Variants in PDE7A observed in about 807,000 individuals in gnomAD.
PDE7A encodes high affinity 3',5'-cyclic-AMP phosphodiesterase 7A.
A neutral mutation model predicts 64.3 loss-of-function variants in PDE7A; 39 were observed. The observed-to-expected ratio is 0.61, with a 90% CI of 0.47 to 0.79. The LOEUF (loss-of-function observed/expected upper bound fraction) is 0.79, where lower values mean the gene tolerates loss of function less well. Among genes scored for constraint, PDE7A ranks in the 30% least tolerant of loss-of-function variants. The pLI is 0.00. For missense variants in PDE7A, 470 were observed against 582.8 expected (o/e 0.81, Z 1.99); for synonymous variants, 203 against 206.8 (o/e 0.98, Z 0.16).
intron 3 of PDE7A, among the ~76,000 whole-genome samples, chr8:65,757,920 T>A (rs1196213527): frequency 6.6e-6 from 1 of 152,184 alleles, no homozygotes; most frequent in Non-Finnish European, 1.5e-5. Context: ...CCCAGCCAAC[T>A]CCAAGACTTT....
At chr8:65,771,062 C>CAA (rs1809063331) in intron 3 of PDE7A, 2 of 372,538 alleles carry the variant, frequency 5.4e-6, no homozygotes, top group Non-Finnish European at 1.1e-5. Flanking sequence ...ATCCAAACCA[C>CAA]AATAATTCAT....
chr8:65,841,382 G>A lies in PDE7A; in HGVS notation c.127C>T (p.Gln43Ter). 6.4e-7 allele frequency: 1 copy of A among 1,558,456 alleles called. No individual in the cohort carries two copies. Among genetic ancestry groups the A allele is most frequent in the Non-Finnish European group, 8.6e-7 (1 of 1,157,122 alleles). The change falls in exon 1 of 13, where the codon CAG becomes TAG. Residue 43 changes from glutamine to a stop codon, truncating the protein, a stop_gained. Transcript: ENST00000401827. LOFTEE classifies it high-confidence loss of function. Reference sequence around the variant, plus strand: ...GCGGCGGCGATTACCTGAGAGAGCTGCCGGGGATTGGGGCAGCCGAAGAGA... The same window carrying A: ...GCGGCGGCGATTACCTGAGAGAGCTACCGGGGATTGGGGCAGCCGAAGAGA... ...SALFGCPNPR[Q>*]LSQRRGAISY... is the part of the protein sequence containing the mutation.
intron 1 of PDE7A, chr8:65,789,112 A>C (rs1041915997): frequency 1.5e-6 from 2 of 1,322,576 alleles, no homozygotes; most frequent in Non-Finnish European, 9.8e-7. Flanking sequence ...TCCTCTGGGA[A>C]TGCACTACCC....
At position 65,789,135 on chromosome 8, in the gene PDE7A, T is replaced by C. The variant is rs568010186; in HGVS notation, c.139-6292A>G. 28 of 1,151,536 alleles carry C rather than the reference T, an allele frequency of 2.4e-5. No individual in the cohort carries two copies. The African/African-American group carries it at 3.6e-4, about 15-fold the overall frequency. The allele number at this position is 1,151,536 out of a possible 1,614,324, so 71.3% of individuals were successfully genotyped here. On this transcript the variant is annotated intron_variant, in intron 1 of 12. Coordinates refer to ENST00000401827, the MANE Select transcript of PDE7A (RefSeq NM_001242318.3). The stretch of plus-strand genomic sequence containing the variant: ...GAATGCACTACCCAGCCAGCCTTCT[T>C]ACCCAGCGCATGCTTCATGCCACAA...
intron 3 of PDE7A, among the ~76,000 whole-genome samples, chr8:65,752,882 T>C (rs1223967642): frequency 1.3e-5 from 2 of 152,230 alleles, no homozygotes; most frequent in African/African-American, 4.8e-5. Context: ...TAACCATTAC[T>C]GTGTTCAGTA....
intron 1 of PDE7A, among the ~76,000 whole-genome samples, chr8:65,835,408 T>A (rs1306107930): frequency 6.6e-6 from 1 of 152,166 alleles, no homozygotes; most frequent in Non-Finnish European, 1.5e-5. Context: ...GCAATAAGGC[T>A]TCTTCATCAT....
intron 3 of PDE7A, among the ~76,000 whole-genome samples, chr8:65,757,864 G>A (rs756030997): frequency 3.9e-5 from 6 of 152,098 alleles, no homozygotes; most frequent in Non-Finnish European, 7.4e-5. Context: ...TGATCCGACC[G>A]CCTTGGCCTC....
At chr8:65,838,922 G>A (rs888186029) in intron 1 of PDE7A, among the ~76,000 whole-genome samples, 11 of 152,128 alleles carry the variant, frequency 7.2e-5, no homozygotes, top group Non-Finnish European at 1.6e-4. Flanking sequence ...TTGGTCACTC[G>A]GTCTTTTCTG....
At chr8:65,802,462 CA>C (rs757932100) in intron 1 of PDE7A, among the ~76,000 whole-genome samples, 3 of 152,222 alleles carry the variant, frequency 2.0e-5, no homozygotes, top group East Asian at 1.9e-4. Flanking sequence ...AAAATTGGAC[CA>C]GGGGAGCACT....
At chr8:65,812,843 G>A (rs1041048943) in intron 1 of PDE7A, among the ~76,000 whole-genome samples, 6 of 152,128 alleles carry the variant, frequency 3.9e-5, no homozygotes, top group African/African-American at 7.2e-5. Flanking sequence ...GCAAGGATTC[G>A]AAAGACTGAT....
intron 1 of PDE7A, chr8:65,838,865 A>C (rs777010057): frequency 1.3e-5 from 2 of 152,226 alleles, no homozygotes; most frequent in Admixed American, 6.5e-5. Flanking sequence ...GTTGTGTCAG[A>C]ACTTTGCCTA....
At chr8:65,838,874 TA>T (rs766477884) in intron 1 of PDE7A, 4 of 152,228 alleles carry the variant, frequency 2.6e-5, no homozygotes, top group Non-Finnish European at 4.4e-5. Context: ...GAACTTTGCC[TA>T]AAACACACCG....
intron 3 of PDE7A, among the ~76,000 whole-genome samples, chr8:65,772,333 A>AT (rs916735442): frequency 1.3e-5 from 2 of 152,204 alleles, no homozygotes; most frequent in Admixed American, 1.3e-4. Context: ...AAATAGTCTT[A>AT]TTTTTAATTC....
intron 4 of PDE7A, among the ~76,000 whole-genome samples, chr8:65,746,315 G>T (rs771549844): frequency 6.6e-6 from 1 of 152,114 alleles, no homozygotes; most frequent in Non-Finnish European, 1.5e-5. Context: ...AAGTGATAGA[G>T]CTGGGATCTT....
intron 1 of PDE7A, among the ~76,000 whole-genome samples, chr8:65,824,316 T>G (rs1394375254): frequency 1.3e-5 from 2 of 152,160 alleles, no homozygotes; most frequent in South Asian, 4.1e-4. Context: ...CAGGAATTCC[T>G]TCTTACTGAT....
In PDE7A at chr8:65,719,076, T is replaced by C; in HGVS notation, c.*214A>G. On this transcript the variant is annotated 3_prime_UTR_variant, in exon 13 of 13. Transcript: ENST00000401827. ...GGCTTTGCATATTCAAGGTTTCACATGAAAGCCAAATTCATATTGCTGTAT... is the reference window on the plus strand; with the variant it reads ...GGCTTTGCATATTCAAGGTTTCACACGAAAGCCAAATTCATATTGCTGTAT... The C allele has an allele frequency of 1.8e-6, 1 of 570,414 alleles. No homozygotes were observed. Among genetic ancestry groups the C allele is most frequent in the South Asian group, 2.3e-5 (1 of 43,958 alleles). 35.3% of individuals were successfully genotyped at this position (570,414 alleles called of 1,614,324 possible).
chr8:65,806,021 T>C (rs1810100020), intron 1 of PDE7A, among the ~76,000 whole-genome samples: 1 of 152,202 alleles, frequency 6.6e-6, no homozygotes, highest in African/African-American at 2.4e-5. Context: ...ACACTACTTC[T>C]AGGAATCTTA....
intron 3 of PDE7A, among the ~76,000 whole-genome samples, chr8:65,778,693 GC>G (rs1809325846): frequency 6.6e-6 from 1 of 152,162 alleles, no homozygotes; most frequent in South Asian, 2.1e-4. Flanking sequence ...AGAATACAAA[GC>G]CCTGACTACT....
Position 65,719,337 on chromosome 8 carries a change from A to G in PDE7A, c.1402T>C (p.Phe468Leu). ...GGTAATAACTGTGAGTTCAACTCAA[A>G]TGCAGCATCAGTGTCCTCACTGCTC... The part of the protein sequence containing the change: ...QSSSEDTDAA[F>L]ELNSQLLPQE... The change falls in exon 13 of 13, where the codon TTT (phenylalanine) becomes CTT (leucine). Residue 468 changes from phenylalanine to leucine, a missense_variant. By Grantham distance (22) the Phe-to-Leu change is conservative. Coordinates refer to ENST00000401827, the MANE Select transcript of PDE7A (RefSeq NM_001242318.3). 1 of 1,614,138 alleles carries G rather than the reference A, an allele frequency of 6.2e-7. No homozygotes were observed. Among genetic ancestry groups the G allele is most frequent in the Non-Finnish European group, 8.5e-7 (1 of 1,179,980 alleles).
Sources: allele counts gnomAD v4.1 joint callset (sites outside exome capture counted in the v4.1 genomes callset), GRCh38; gene constraint gnomAD v4.1.1; transcripts MANE v1.5; gene names NCBI Gene and HGNC (gene_info 2026-07-23, HGNC 2026-07-21).